The following ZNF804B variants were observed in gnomAD, a reference collection of about 807,000 sequenced individuals.
ZNF804B encodes the protein zinc finger protein 804B, also known as zinc finger 804B.
Under a neutral mutation model 101.4 loss-of-function variants are expected in ZNF804B, and 80 were observed. The ratio of observed to expected loss-of-function variants is 0.79; its 90% CI spans 0.66 to 0.95. The LOEUF (loss-of-function observed/expected upper bound fraction) is 0.95, where lower values mean the gene tolerates loss of function less well. Among genes scored for constraint, ZNF804B ranks in the 40% least tolerant of loss-of-function variants. The pLI, the probability that ZNF804B is intolerant of heterozygous loss-of-function variation, is 0.00. For synonymous variants in ZNF804B, 622 were observed against 558.8 expected (o/e 1.11, Z -1.59); for missense variants, 1,673 against 1,561.9 (o/e 1.07, Z -1.20).
chr7:89,115,831 C>T (rs1229210907), intron 1 of ZNF804B, among the ~76,000 whole-genome samples: 1 of 151,912 alleles, frequency 6.6e-6, no homozygotes, highest in African/African-American at 2.4e-5. Flanking sequence ...CAAGATTTTG[C>T]CTCTTTAAAG....
chr7:88,828,256 A>G (rs778791274), intron 1 of ZNF804B, among the ~76,000 whole-genome samples: 3 of 152,184 alleles, frequency 2.0e-5, no homozygotes, highest in Non-Finnish European at 4.4e-5. Flanking sequence ...CAATTTTGAC[A>G]AATTTATAAC....
chr7:89,239,045 G>T (rs991589939), intron 2 of ZNF804B, among the ~76,000 whole-genome samples: 3 of 152,098 alleles, frequency 2.0e-5, no homozygotes, highest in African/African-American at 4.8e-5. Flanking sequence ...TCTACAACAA[G>T]GAGTTTTATG....
At chr7:89,094,011 A>G (rs1285709528) in intron 1 of ZNF804B, among the ~76,000 whole-genome samples, 2 of 152,230 alleles carry the variant, frequency 1.3e-5, no homozygotes, top group African/African-American at 4.8e-5. Context: ...TTAGCTAGTT[A>G]AATGTCTTTA....
intron 1 of ZNF804B, among the ~76,000 whole-genome samples, chr7:89,118,901 G>T (rs917268067): frequency 6.6e-6 from 1 of 152,176 alleles, no homozygotes; most frequent in Non-Finnish European, 1.5e-5. Context: ...TAATGGCGAT[G>T]ATGATGGTGA....
intron 1 of ZNF804B, among the ~76,000 whole-genome samples, chr7:88,819,348 C>G (rs1790937616): frequency 1.3e-5 from 2 of 152,054 alleles, no homozygotes; most frequent in South Asian, 4.1e-4. Context: ...TGAGGCTGGC[C>G]TCGAACTCCT....
chr7:88,759,813 A>T lies in ZNF804B; in HGVS notation c.-164A>T, dbSNP rs961038014. 5.9e-5 allele frequency: 36 copies of T among 615,136 alleles called. No homozygotes were observed. Among genetic ancestry groups the T allele is most frequent in the Non-Finnish European group, 8.6e-5 (30 of 347,046 alleles). The allele number at this position is 615,136 out of a possible 1,614,324, so 38.1% of individuals were successfully genotyped here. A position where few individuals can be genotyped will look rare whatever the true frequency, so the allele number is the denominator to read the frequency against. On this transcript the variant is annotated 5_prime_UTR_variant, in exon 1 of 4. Coordinates refer to ENST00000333190, the MANE Select transcript of ZNF804B (RefSeq NM_181646.5). ...CAGCTGTCGGCAGCAGGAGCCCCGC[A>T]CGGGGCGCGGAGCAGGGACGCGCTG... is the stretch of plus-strand genomic sequence containing the variant.
At chr7:89,105,681 G>A (rs1278913067) in intron 1 of ZNF804B, among the ~76,000 whole-genome samples, 1 of 152,046 alleles carries the variant, frequency 6.6e-6, no homozygotes, top group Non-Finnish European at 1.5e-5. Flanking sequence ...CACACAGCAA[G>A]CAACACACAC....
chr7:89,333,972 T>C lies in ZNF804B; in HGVS notation c.990T>C (p.His330=), dbSNP rs767367004. Residue 330 remains histidine (H), a synonymous_variant, in exon 4 of 4, where the codon CAT becomes CAC. Coordinates refer to ENST00000333190, the MANE Select transcript of ZNF804B (RefSeq NM_181646.5). ...IHASFSKSNI[H]LSDVDFTPTS... ...CTTCATTCTCTAAATCTAACATTCA[T>C]CTTTCAGATGTAGATTTTACTCCTA... 1.9e-6 allele frequency: 3 copies of C among 1,613,446 alleles called. No homozygotes were observed. The highest frequency in any genetic ancestry group is 3.3e-5 in the Admixed American group (2 of 59,826).
At chr7:89,129,663 A>G (rs923780896) in intron 1 of ZNF804B, among the ~76,000 whole-genome samples, 3 of 152,016 alleles carry the variant, frequency 2.0e-5, no homozygotes, top group Non-Finnish European at 4.4e-5. Context: ...TTGATGAGGT[A>G]GAATACTATT....
chr7:88,820,149 G>A (rs1182676719), intron 1 of ZNF804B, among the ~76,000 whole-genome samples: 1 of 152,150 alleles, frequency 6.6e-6, no homozygotes, highest in Non-Finnish European at 1.5e-5. Context: ...AGCAATTTAA[G>A]AATTCTAAGG....
At chr7:89,199,940 T>C (rs898447316) in intron 1 of ZNF804B, among the ~76,000 whole-genome samples, 1 of 148,530 alleles carries the variant, frequency 6.7e-6, no homozygotes, top group Non-Finnish European at 1.5e-5. Flanking sequence ...TGTGTGTATA[T>C]GTTATATATA....
chr7:88,854,475 C>CTTTCTT (rs1388760331), intron 1 of ZNF804B, among the ~76,000 whole-genome samples: 1 of 47,618 alleles, frequency 2.1e-5, no homozygotes, highest in Non-Finnish European at 3.8e-5. Context: ...TTCTTTCTTT[C>CTTTCTT]TCTTTCCTTT....
chr7:89,232,314 A>C (rs1297497007), intron 2 of ZNF804B, among the ~76,000 whole-genome samples: 4 of 152,094 alleles, frequency 2.6e-5, no homozygotes, highest in African/African-American at 9.7e-5. Flanking sequence ...TTTATAATTT[A>C]TAGGATTTAA....
intron 1 of ZNF804B, among the ~76,000 whole-genome samples, chr7:89,076,745 T>C (rs1387831186): frequency 6.6e-6 from 1 of 152,180 alleles, no homozygotes; most frequent in Non-Finnish European, 1.5e-5. Context: ...CCAGAACTAT[T>C]GTTAAAAAAT....
chr7:88,797,164 A>G (rs1010672546), intron 1 of ZNF804B, among the ~76,000 whole-genome samples: 9 of 152,044 alleles, frequency 5.9e-5, no homozygotes, highest in African/African-American at 2.2e-4. Context: ...AATCCTTGGT[A>G]TTATTTGTTC....
At chr7:89,288,345 C>G (rs933557835) in intron 2 of ZNF804B, among the ~76,000 whole-genome samples, 3 of 151,990 alleles carry the variant, frequency 2.0e-5, no homozygotes, top group African/African-American at 7.2e-5. Flanking sequence ...GAATTAATAT[C>G]TGAAGAAATA....
At chr7:89,151,792 G>T (rs59256146) in intron 1 of ZNF804B, among the ~76,000 whole-genome samples, 36 of 152,074 alleles carry the variant, frequency 2.4e-4, no homozygotes, top group Non-Finnish European at 4.1e-4. Context: ...CATGGCAATG[G>T]TATGATGTTG....
intron 1 of ZNF804B, among the ~76,000 whole-genome samples, chr7:88,833,231 A>G (rs553500854): frequency 4.1e-4 from 62 of 151,780 alleles, no homozygotes; most frequent in African/African-American, 1.5e-3. Context: ...TAGGAAAAAG[A>G]GGTTTGTTTT....
chr7:88,888,395 A>T (rs1461160366), intron 1 of ZNF804B, among the ~76,000 whole-genome samples: 2 of 151,910 alleles, frequency 1.3e-5, no homozygotes, highest in African/African-American at 4.8e-5. Context: ...CTGCCTCAAA[A>T]ATATATATAT....
Sources: allele counts gnomAD v4.1 joint callset (sites outside exome capture counted in the v4.1 genomes callset), GRCh38; gene constraint gnomAD v4.1.1; transcripts MANE v1.5; gene names NCBI Gene and HGNC (gene_info 2026-07-23, HGNC 2026-07-21).